The following ZNF423 variants were observed in gnomAD, a reference collection of about 807,000 sequenced individuals.
The protein encoded by ZNF423 is zinc finger protein 423, also known as Ebf-associated zinc finger protein.
Under a neutral mutation model 95.8 loss-of-function variants are expected in ZNF423, and 12 were observed. The observed-to-expected ratio is 0.13, with a 90% confidence interval of 0.08 to 0.20. The LOEUF is 0.20. Among genes scored for constraint, ZNF423 ranks in the 10% least tolerant of loss-of-function variants. The pLI is 1.00. For synonymous variants in ZNF423, 749 were observed against 711.9 expected (o/e 1.05, Z -0.83); for missense variants, 1,316 against 1,737.1 (o/e 0.76, Z 4.31).
intron 5 of ZNF423, among the ~76,000 whole-genome samples, chr16:49,535,995 T>C (rs921430139): frequency 3.9e-5 from 6 of 152,150 alleles, no homozygotes; most frequent in Non-Finnish European, 8.8e-5. Context: ...TTACCCCTGC[T>C]TCTACTACAA....
intron 5 of ZNF423, among the ~76,000 whole-genome samples, chr16:49,623,019 A>G (rs988806949): frequency 6.6e-6 from 1 of 152,054 alleles, no homozygotes; most frequent in African/African-American, 2.4e-5. Context: ...GTCCTCTGGT[A>G]GACTGGGTTG....
chr16:49,615,130 T>TCTCACACACACA (rs373291400), intron 5 of ZNF423, among the ~76,000 whole-genome samples: 1 of 141,154 alleles, frequency 7.1e-6, no homozygotes, highest in Non-Finnish European at 1.5e-5. Flanking sequence ...AAACTCCATC[T>TCTCACACACACA]CACACACACA....
intron 3 of ZNF423, among the ~76,000 whole-genome samples, chr16:49,699,931 C>G (rs2032111836): frequency 6.6e-6 from 1 of 152,124 alleles, no homozygotes; most frequent in African/African-American, 2.4e-5. Flanking sequence ...CACCCCACAG[C>G]AGCTCCCGAG....
At chr16:49,560,742 G>A (rs1003233261) in intron 5 of ZNF423, among the ~76,000 whole-genome samples, 4 of 152,182 alleles carry the variant, frequency 2.6e-5, no homozygotes, top group Non-Finnish European at 1.5e-5. Context: ...TGCAAACTCG[G>A]TGTAAAAAGA....
chr16:49,687,875 C>A (rs549457044), intron 3 of ZNF423, among the ~76,000 whole-genome samples: 1 of 152,086 alleles, frequency 6.6e-6, no homozygotes, highest in South Asian at 2.1e-4. Flanking sequence ...CAGTGCTTGA[C>A]GTCCTCCAGC....
At chr16:49,567,001 C>T (rs932612433) in intron 5 of ZNF423, among the ~76,000 whole-genome samples, 3 of 152,096 alleles carry the variant, frequency 2.0e-5, no homozygotes, top group African/African-American at 7.2e-5. Context: ...AAGACGGGGT[C>T]CTCTCACTGG....
chr16:49,517,266 A>G (rs1181554752), intron 7 of ZNF423, among the ~76,000 whole-genome samples: 2 of 152,202 alleles, frequency 1.3e-5, no homozygotes, highest in East Asian at 3.8e-4. Context: ...AACTGCAGAG[A>G]GTGATGCCTG....
intron 7 of ZNF423, among the ~76,000 whole-genome samples, chr16:49,497,307 G>A (rs1010707851): frequency 1.3e-5 from 2 of 152,152 alleles, no homozygotes; most frequent in African/African-American, 4.8e-5. Flanking sequence ...CCCTGGGCTG[G>A]GCACTGGGCA....
chr16:49,792,484 G>C (rs1231776427), intron 1 of ZNF423, among the ~76,000 whole-genome samples: 1 of 152,226 alleles, frequency 6.6e-6, no homozygotes, highest in African/African-American at 2.4e-5. Context: ...GGGAGGTCCA[G>C]AGTGGCAGAT....
At chr16:49,854,896 C>A (rs1013809004) in intron 1 of ZNF423, 1 of 985,312 alleles carries the variant, frequency 1.0e-6, no homozygotes, top group East Asian at 1.1e-4. Context: ...GCACAGAAAG[C>A]CGGCCTGGGT....
At chr16:49,544,989 C>T (rs1208980143) in intron 5 of ZNF423, among the ~76,000 whole-genome samples, 8 of 152,246 alleles carry the variant, frequency 5.3e-5, no homozygotes, top group Non-Finnish European at 1.2e-4. Context: ...GTCACTTGCT[C>T]ATCACAGTGG....
At chr16:49,840,758 C>T (rs1293079111) in intron 1 of ZNF423, among the ~76,000 whole-genome samples, 1 of 152,058 alleles carries the variant, frequency 6.6e-6, no homozygotes, top group Non-Finnish European at 1.5e-5. Context: ...CATGCACACA[C>T]ATACCCAACA....
chr16:49,494,986 A>G (rs1188752388), intron 7 of ZNF423, among the ~76,000 whole-genome samples: 1 of 152,156 alleles, frequency 6.6e-6, no homozygotes, highest in African/African-American at 2.4e-5. Context: ...GAAGGAAGAA[A>G]ATCGTTTTTT....
At chr16:49,540,773 C>T (rs1483509943) in intron 5 of ZNF423, among the ~76,000 whole-genome samples, 1 of 152,184 alleles carries the variant, frequency 6.6e-6, no homozygotes, top group Non-Finnish European at 1.5e-5. Flanking sequence ...CAATCCATGC[C>T]TCCACACCCT....
In ZNF423 at chr16:49,845,575, C is replaced by G. The variant is rs982146222; in HGVS notation, c.40+10160G>C. Among the ~76,000 whole-genome samples, 65 of 152,186 alleles carry G rather than the reference C, an allele frequency of 4.3e-4. 1 individual carries two copies. Among genetic ancestry groups the G allele is most frequent in the Admixed American group, 3.2e-3 (49 of 15,276 alleles). On this transcript the variant is annotated intron_variant, in intron 1 of 7. Coordinates refer to ENST00000563137, the MANE Select transcript of ZNF423 (RefSeq NM_001379286.1). ...TTTTGTTTTGAGAAAGGGTCTCACT[C>G]TGTCACCCAGGCTGGAACACAGTGG...
chr16:49,585,876 G>A lies in ZNF423; in HGVS notation c.3601+40294C>T, dbSNP rs570094675. ...AAAGTTCTCAAGGCTGGCCTAGGCT[G>A]TTAGGAGACGGAAAAGGAATTGTGA... is the stretch of plus-strand genomic sequence containing the variant. On this transcript the variant is annotated intron_variant, in intron 5 of 7. Transcript: ENST00000563137. Among the ~76,000 whole-genome samples the A allele has an allele frequency of 3.9e-5, 6 of 152,302 alleles. No individual in the cohort carries two copies. The East Asian group carries it at 7.7e-4, about 20-fold the overall frequency.
intron 3 of ZNF423, among the ~76,000 whole-genome samples, chr16:49,715,463 C>T (rs573445343): frequency 2.7e-4 from 41 of 152,292 alleles, no homozygotes; most frequent in African/African-American, 8.9e-4. Context: ...GAACTGAGGC[C>T]GGGCACGGCA....
chr16:49,825,946 C>A (rs765427859), intron 1 of ZNF423, among the ~76,000 whole-genome samples: 25 of 152,164 alleles, frequency 1.6e-4, no homozygotes, highest in Non-Finnish European at 3.2e-4. Context: ...TGTGGTGGCT[C>A]ACGCCTATAA....
intron 4 of ZNF423, among the ~76,000 whole-genome samples, chr16:49,629,648 T>A (rs1972432186): frequency 6.6e-6 from 1 of 152,222 alleles, no homozygotes; most frequent in African/African-American, 2.4e-5. Context: ...GTGGATTGGT[T>A]CATCTGCTCC....
Sources: allele counts gnomAD v4.1 joint callset (sites outside exome capture counted in the v4.1 genomes callset), GRCh38; gene constraint gnomAD v4.1.1; transcripts MANE v1.5; gene names NCBI Gene and HGNC (gene_info 2026-07-23, HGNC 2026-07-21).